Variants in LPGAT1 observed in about 807,000 individuals in gnomAD.
The protein encoded by LPGAT1 is acyl-CoA:lysophosphatidylglycerol acyltransferase 1.
In LPGAT1, 11 loss-of-function variants were observed where a neutral mutation model predicts 47.5. That is an observed-to-expected ratio of 0.23 (90% CI 0.15 to 0.38). LPGAT1 has a LOEUF of 0.38. Among genes scored for constraint, LPGAT1 ranks in the 10% least tolerant of loss-of-function variants. The pLI, the probability that LPGAT1 is intolerant of heterozygous loss-of-function variation, is 1.00. For synonymous variants in LPGAT1, 138 were observed against 144.2 expected (o/e 0.96, Z 0.31); for missense variants, 293 against 439.0 (o/e 0.67, Z 2.97).
chr1:211,760,673 T>A (rs1278057192), intron 6 of LPGAT1, among the ~76,000 whole-genome samples: 1 of 152,140 alleles, frequency 6.6e-6, no homozygotes, highest in Non-Finnish European at 1.5e-5. Flanking sequence ...CAAACTCTAT[T>A]TTCTCACCTC....
chr1:211,810,792 C>T (rs1286323143), intron 2 of LPGAT1, among the ~76,000 whole-genome samples: 2 of 151,980 alleles, frequency 1.3e-5, no homozygotes, highest in African/African-American at 4.8e-5. Context: ...AGAACATGCC[C>T]GGGTAGTAAC....
intron 6 of LPGAT1, among the ~76,000 whole-genome samples, chr1:211,759,923 C>T (rs1006880620): frequency 6.6e-6 from 1 of 152,142 alleles, no homozygotes; most frequent in African/African-American, 2.4e-5. Flanking sequence ...GTGTCAAAAG[C>T]TAAATGTAGT....
chr1:211,821,012 A>G (rs759038592), intron 2 of LPGAT1, among the ~76,000 whole-genome samples: 2 of 152,210 alleles, frequency 1.3e-5, no homozygotes, highest in Non-Finnish European at 2.9e-5. Flanking sequence ...AACATTTAAT[A>G]TCAGAAGACA....
At position 211,829,697 on chromosome 1, in the gene LPGAT1, A is replaced by C. The variant is rs145615452; in HGVS notation, c.-27-374T>G. ...CTCAGGATCTCCAAACTGAAGACAC[A>C]AGTGACATGACCGAAACAGGGTCCC... On this transcript the variant is annotated intron_variant, in intron 1 of 7. Transcript: ENST00000366997. 618 of 1,037,364 alleles carry C rather than the reference A, an allele frequency of 6.0e-4. 1 individual carries two copies. The highest frequency in any genetic ancestry group is 2.1e-3 in the Admixed American group (41 of 19,846). 64.3% of individuals were successfully genotyped at this position (1,037,364 alleles called of 1,614,324 possible).
Position 211,829,060 on chromosome 1 carries a change from T to G in LPGAT1, c.237A>C (p.Thr79=). 1.2e-6 allele frequency: 2 copies of G among 1,614,100 alleles called. No individual in the cohort carries two copies. The highest frequency in any genetic ancestry group is 1.7e-6 in the Non-Finnish European group (2 of 1,179,980). Residue 79 remains threonine (T), a splice_region_variant and synonymous_variant, in exon 2 of 8, where the codon ACA becomes ACC. Transcript: ENST00000366997. ...VASWGWYAGY[T]VMEWGEDIKA... ...AAAGAAAAGTGTTCTCACTCTTACC[T>G]GTATATCCAGCATACCATCCCCAGG...
chr1:211,770,695 G>A (rs1007869327), intron 6 of LPGAT1, among the ~76,000 whole-genome samples: 8 of 152,148 alleles, frequency 5.3e-5, no homozygotes, highest in Non-Finnish European at 1.2e-4. Flanking sequence ...GTCTACAGTA[G>A]TATAGGGTAA....
chr1:211,786,302 T>C (rs1308622117), intron 4 of LPGAT1, among the ~76,000 whole-genome samples: 1 of 152,254 alleles, frequency 6.6e-6, no homozygotes, highest in African/African-American at 2.4e-5. Context: ...CTTAGAAGTT[T>C]CTCTACTCAA....
intron 3 of LPGAT1, among the ~76,000 whole-genome samples, chr1:211,789,715 C>T (rs908761101): frequency 4.6e-5 from 7 of 151,906 alleles, no homozygotes; most frequent in Admixed American, 2.6e-4. Context: ...ACTAAAAATA[C>T]AAAAATTAGC....
chr1:211,779,011 T>C lies in LPGAT1; in HGVS notation c.761A>G (p.Asp254Gly). 1 of 1,602,940 alleles carries C rather than the reference T, an allele frequency of 6.2e-7. No individual in the cohort carries two copies. Among genetic ancestry groups the C allele is most frequent in the East Asian group, 2.2e-5 (1 of 44,648 alleles). Residue 254 changes from aspartate to glycine, a missense_variant, in exon 6 of 8, where the codon GAT (aspartate) becomes GGT (glycine). Asp to Gly is a moderately conservative substitution (Grantham distance 94). Coordinates refer to ENST00000366997, the MANE Select transcript of LPGAT1 (RefSeq NM_014873.3). ...AGCTTTGGGATAAGCTATCGTTGTA[T>C]CTATTATCCACTGGAGGCCTTTTGA... is the stretch of plus-strand genomic sequence containing the variant. ...SKSKGLQWII[D>G]TTIAYPKAEP...
chr1:211,825,982 A>G (rs1660534358), intron 2 of LPGAT1, among the ~76,000 whole-genome samples: 1 of 152,200 alleles, frequency 6.6e-6, no homozygotes, highest in East Asian at 1.9e-4. Flanking sequence ...GAAAATGTGA[A>G]AACAACAATC....
intron 2 of LPGAT1, among the ~76,000 whole-genome samples, chr1:211,808,830 C>T (rs1180460161): frequency 2.0e-5 from 3 of 152,118 alleles, no homozygotes; most frequent in Admixed American, 1.3e-4. Flanking sequence ...AAATGGACTG[C>T]ACTCTTTTTG....
Position 211,830,725 on chromosome 1 carries a change from G to T in LPGAT1, c.-180C>A. ...CGCGCCCGTTCCCCGGCGGCGCCGA[G>T]ACTCGGTCCCCAAGGGCCCGGCCGC... On this transcript the variant is annotated 5_prime_UTR_variant, in exon 1 of 8. Coordinates refer to ENST00000366997, the MANE Select transcript of LPGAT1 (RefSeq NM_014873.3). The surrounding 1 kb of genome is among the most constrained non-coding windows in gnomAD (Gnocchi z 5.9). 8.5e-7 allele frequency: 1 copy of T among 1,178,782 alleles called. No homozygotes were observed. The highest frequency in any genetic ancestry group is 1.0e-6 in the Non-Finnish European group (1 of 953,890). The allele number at this position is 1,178,782 out of a possible 1,614,324, so 73.0% of individuals were successfully genotyped here.
intron 4 of LPGAT1, among the ~76,000 whole-genome samples, chr1:211,784,276 CT>C (rs1231686380): frequency 1.3e-5 from 2 of 152,006 alleles, no homozygotes; most frequent in Non-Finnish European, 2.9e-5. Flanking sequence ...AATCTTATTT[CT>C]GTTTAAAAAA....
chr1:211,793,216 C>A, intron 2 of LPGAT1, 26 bp from the exon 3 acceptor site: 4 of 1,488,300 alleles, frequency 2.7e-6, no homozygotes, highest in Non-Finnish European at 3.7e-6. Context: ...AGTTTCAAAG[C>A]TGTCATTTTA....
Position 211,772,998 on chromosome 1 carries a change from T to C in LPGAT1, c.854+5920A>G, listed in dbSNP as rs946642649. On this transcript the variant is annotated intron_variant, in intron 6 of 7. Coordinates refer to ENST00000366997, the MANE Select transcript of LPGAT1 (RefSeq NM_014873.3). ...GGTAATTTTTCTCATAAATAACTTT[T>C]CCCTCATCTCTTTGACAATAATTCT... 2.0e-5 allele frequency among the ~76,000 whole-genome samples: 3 copies of C among 152,200 alleles called. No homozygotes were observed. The East Asian group carries it at 5.8e-4, about 29-fold the overall frequency.
At chr1:211,790,995 T>C (rs1659087999) in intron 3 of LPGAT1, among the ~76,000 whole-genome samples, 2 of 152,136 alleles carry the variant, frequency 1.3e-5, no homozygotes, top group Admixed American at 6.6e-5. Flanking sequence ...ATCAACTAGT[T>C]TTGCAAAATT....
At position 211,829,623 on chromosome 1, in the gene LPGAT1, G is replaced by T. The variant is rs191504945; in HGVS notation, c.-27-300C>A. ...GGCCGTCCCCGCACCGTGTCTCACTGCGGTCGTCTATTGGACTTAGAAAAA... is the reference window on the plus strand; with the variant it reads ...GGCCGTCCCCGCACCGTGTCTCACTTCGGTCGTCTATTGGACTTAGAAAAA... On this transcript the variant is annotated intron_variant, in intron 1 of 7. Coordinates refer to ENST00000366997, the MANE Select transcript of LPGAT1 (RefSeq NM_014873.3). 9.5e-6 allele frequency: 11 copies of T among 1,153,210 alleles called. No homozygotes were observed. The East Asian group carries it at 5.2e-4, about 54-fold the overall frequency. 71.4% of individuals were successfully genotyped at this position (1,153,210 alleles called of 1,614,324 possible). A position where few individuals can be genotyped will look rare whatever the true frequency, so the allele number is the denominator to read the frequency against.
At chr1:211,829,483 G>A (rs1660650857) in intron 1 of LPGAT1, 160 bp from the exon 2 acceptor site, 1 of 1,436,436 alleles carries the variant, frequency 7.0e-7, no homozygotes, top group Non-Finnish European at 9.1e-7. Flanking sequence ...TCCAGAGGGG[G>A]ACAGAGAGCG....
At chr1:211,764,172 C>CA (rs11412742) in intron 6 of LPGAT1, among the ~76,000 whole-genome samples, 47,377 of 132,226 alleles carry the variant, frequency 0.36, 8,442 homozygotes, top group Non-Finnish European at 0.44. Flanking sequence ...GACTCCATCT[C>CA]AAAAAAAAAA....
Sources: allele counts gnomAD v4.1 joint callset (sites outside exome capture counted in the v4.1 genomes callset), GRCh38; gene constraint gnomAD v4.1.1; non-coding constraint Gnocchi (gnomAD v3.1); transcripts MANE v1.5; gene names NCBI Gene and HGNC (gene_info 2026-07-23, HGNC 2026-07-21).